SH3TC1: variants seen among roughly 807,000 people sequenced by gnomAD.
SH3TC1 encodes the protein SH3 domain and tetratricopeptide repeats 1, also known as SH3 domain and tetratricopeptide repeat-containing protein 1.
In SH3TC1, 135 loss-of-function variants were observed where a neutral mutation model predicts 117.3. That is an observed-to-expected ratio of 1.15 (90% CI 1.00 to 1.33). The LOEUF (loss-of-function observed/expected upper bound fraction) is 1.33, where lower values mean the gene tolerates loss of function less well. Ranked by LOEUF, SH3TC1 falls within the 40% of genes most tolerant of loss-of-function variation. SH3TC1 has a pLI of 0.00. For synonymous variants in SH3TC1, 898 were observed against 816.9 expected (o/e 1.10, Z -1.69); for missense variants, 2,092 against 1,794.3 (o/e 1.17, Z -3.00).
At chr4:8,198,035 AG>A (rs1360242196), upstream of SH3TC1, among the ~76,000 whole-genome samples, 4 of 152,012 alleles carry the variant, frequency 2.6e-5, no homozygotes, top group South Asian at 2.1e-4. Context: ...TGATTAGAGG[AG>A]GGGGCTACTG....
Position 8,220,134 on chromosome 4 carries a change from A to G in SH3TC1, c.1112+604A>G, listed in dbSNP as rs147332449. On this transcript the variant is annotated intron_variant, in intron 9 of 17. Coordinates refer to ENST00000245105, the MANE Select transcript of SH3TC1 (RefSeq NM_018986.5). Reference sequence around the variant, plus strand: ...TACATCTGCAAAGATCCTTTCTCCAAGAAAGCTTACCTTCTGAGGTTCCGG... The same window carrying G: ...TACATCTGCAAAGATCCTTTCTCCAGGAAAGCTTACCTTCTGAGGTTCCGG... Among the ~76,000 whole-genome samples the G allele has an allele frequency of 6.0e-3, 913 of 152,306 alleles. 8 individuals are homozygous for G. Among genetic ancestry groups the G allele is most frequent in the African/African-American group, 0.021 (858 of 41,560 alleles).
intron 6 of SH3TC1, among the ~76,000 whole-genome samples, chr4:8,216,580 G>A (rs1719298451): frequency 6.6e-6 from 1 of 152,208 alleles, no homozygotes; most frequent in Non-Finnish European, 1.5e-5. Flanking sequence ...TCTGAGGAGG[G>A]GACATGAGGC....
At position 8,190,860 on chromosome 4, in the gene SH3TC1, T is replaced by C. The variant is rs1468109521; in HGVS notation, c.-57+8650T>C. Among the ~76,000 whole-genome samples, 1 of 152,136 alleles carries C rather than the reference T, an allele frequency of 6.6e-6. No homozygotes were observed. The highest frequency in any genetic ancestry group is 2.4e-5 in the African/African-American group (1 of 41,428). ...TTTCACCATGTTGCCCAGGCTGGTCTTGAACTCCTGGACTCAAGCGATCCT... is the reference window on the plus strand; with the variant it reads ...TTTCACCATGTTGCCCAGGCTGGTCCTGAACTCCTGGACTCAAGCGATCCT... On this transcript the variant is annotated intron_variant, in intron 1 of 16. Transcript: ENST00000508641. The surrounding 1 kb of genome is among the most constrained non-coding windows in gnomAD (Gnocchi z 4.7).
At chr4:8,223,258 G>A (rs892236689) in intron 10 of SH3TC1, among the ~76,000 whole-genome samples, 1 of 152,256 alleles carries the variant, frequency 6.6e-6, no homozygotes, top group Admixed American at 6.5e-5. Flanking sequence ...GCTGGGCGAG[G>A]GAGAGGGTAT....
At position 8,227,507 on chromosome 4, in the gene SH3TC1, G is replaced by A. The variant is rs757114175; in HGVS notation, c.1813G>A (p.Ala605Thr). 9 of 1,550,954 alleles carry A rather than the reference G, an allele frequency of 5.8e-6. No homozygotes were observed. Among genetic ancestry groups the A allele is most frequent in the Middle Eastern group, 1.7e-4 (1 of 5,732 alleles). The change falls in exon 12 of 18, where the codon GCC becomes ACC. Residue 605 changes from alanine to threonine, a missense_variant. Ala to Thr is a moderately conservative substitution (Grantham distance 58, BLOSUM62 0). Transcript: ENST00000245105. ...GDLFLVVAVY[A>T]NLASIYRKQK... ...CCTGTTCCTAGTGGTGGCTGTGTAC[G>A]CCAACCTGGCCAGCATTTACCGGAA...
intron 3 of SH3TC1, 89 bp from the exon 4 acceptor site, chr4:8,212,612 G>T: frequency 6.4e-7 from 1 of 1,574,068 alleles, no homozygotes; most frequent in East Asian, 2.3e-5. Flanking sequence ...TCAGGTGTGT[G>T]GGTTGGAGGC....
At position 8,231,413 on chromosome 4, in the gene SH3TC1, G is replaced by C. The variant is rs144525199; in HGVS notation, c.2951-563G>C. On this transcript the variant is annotated intron_variant, in intron 12 of 17. Transcript: ENST00000245105. ...TGTCCACTCGGCGTACCTGGTTTCT[G>C]GTGTTCATCTCCGGAATGTTGCTGA... is the stretch of plus-strand genomic sequence containing the variant. 2.2e-4 allele frequency: 34 copies of C among 155,758 alleles called. No individual in the cohort carries two copies. The East Asian group carries it at 6.3e-3, about 29-fold the overall frequency. The allele number at this position is 155,758 out of a possible 1,614,324, so 9.6% of individuals were successfully genotyped here.
Position 8,233,474 on chromosome 4 carries a change from C to G in SH3TC1, c.3243C>G (p.Tyr1081Ter). The change falls in exon 14 of 18, where the codon TAC (tyrosine) becomes TAG (stop). Residue 1081 changes from tyrosine (Y) to a stop codon, truncating the protein, a stop_gained. Coordinates refer to ENST00000245105, the MANE Select transcript of SH3TC1 (RefSeq NM_018986.5). LOFTEE classifies it high-confidence loss of function. ...GGCTGCAAGCAGGGAAGATCTATTACATCTTGCGGCAGAGCGAGCTGGTGG... is the reference window on the plus strand; with the variant it reads ...GGCTGCAAGCAGGGAAGATCTATTAGATCTTGCGGCAGAGCGAGCTGGTGG... ...HAWLQAGKIY[Y>*]ILRQSELVDL... 1 of 1,613,616 alleles carries G rather than the reference C, an allele frequency of 6.2e-7. No homozygotes were observed. Among genetic ancestry groups the G allele is most frequent in the Non-Finnish European group, 8.5e-7 (1 of 1,179,814 alleles).
chr4:8,190,308 T>C lies in SH3TC1; in HGVS notation c.-57+8098T>C, dbSNP rs1487263479. On this transcript the variant is annotated intron_variant, in intron 1 of 16. Transcript: ENST00000508641. This position sits in a 1 kb window ranked among gnomAD's most constrained non-coding sequence, Gnocchi z 4.7. ...CTCCTTCGGCGGAGTTGGGGGACTG[T>C]GTGCTTGGGTTGGGTTAATGACTGT... Among the ~76,000 whole-genome samples, 1 of 152,186 alleles carries C rather than the reference T, an allele frequency of 6.6e-6. No homozygotes were observed. Among genetic ancestry groups the C allele is most frequent in the Non-Finnish European group, 1.5e-5 (1 of 68,038 alleles).
At chr4:8,182,165 G>C (rs568623014) in exon 1 of SH3TC1, 1 of 152,712 alleles carries the variant, frequency 6.5e-6, no homozygotes, top group South Asian at 2.1e-4. Flanking sequence ...CCTGCAGCAG[G>C]TGGTGGGCCC....
intron 1 of SH3TC1, among the ~76,000 whole-genome samples, chr4:8,203,984 C>T (rs1718004048): frequency 6.6e-6 from 1 of 152,214 alleles, no homozygotes; most frequent in South Asian, 2.1e-4. Flanking sequence ...GCCCCAGCCT[C>T]GTGGGCCCAT....
chr4:8,223,503 G>A (rs1015621949), intron 10 of SH3TC1, among the ~76,000 whole-genome samples: 5 of 152,230 alleles, frequency 3.3e-5, no homozygotes, highest in Non-Finnish European at 7.3e-5. Flanking sequence ...GTGTGCAAAA[G>A]CTTTCTCTGG....
chr4:8,215,246 A>T (rs1188664549), intron 5 of SH3TC1: 2 of 455,984 alleles, frequency 4.4e-6, no homozygotes, highest in African/African-American at 4.0e-5. Flanking sequence ...GACCCACGTG[A>T]GCTCTTCCTG....
chr4:8,233,485 A>G lies in SH3TC1; in HGVS notation c.3254A>G (p.Gln1085Arg). The change falls in exon 14 of 18, where the codon CAG becomes CGG. Residue 1085 changes from glutamine to arginine, a missense_variant. Transcript: ENST00000245105. ...GGGAAGATCTATTACATCTTGCGGC[A>G]GAGCGAGCTGGTGGACCTCTACATC... ...QAGKIYYILRQSELVDLYIQV... is the reference protein window; with the variant it reads ...QAGKIYYILRRSELVDLYIQV... 1.9e-6 allele frequency: 3 copies of G among 1,613,044 alleles called. No homozygotes were observed.
Position 8,227,901 on chromosome 4 carries a change from G to A in SH3TC1, c.2207G>A (p.Arg736Gln), listed in dbSNP as rs149010252. The change falls in exon 12 of 18, where the codon CGG (arginine) becomes CAG (glutamine). Residue 736 changes from arginine (R) to glutamine (Q), a missense_variant. Physicochemically the swap from Arg to Gln is conservative, Grantham distance 43. Coordinates refer to ENST00000245105, the MANE Select transcript of SH3TC1 (RefSeq NM_018986.5). ...VLSCVKVASLRTRGSLAGSLR... is the reference protein window; with the variant it reads ...VLSCVKVASLQTRGSLAGSLR... ...AGCTGTGTCAAGGTGGCCTCATTGCGGACACGGGGCTCGCTGGCCGGCTCG... is the reference window on the plus strand; with the variant it reads ...AGCTGTGTCAAGGTGGCCTCATTGCAGACACGGGGCTCGCTGGCCGGCTCG... 4.0e-5 allele frequency: 65 copies of A among 1,612,676 alleles called. No individual in the cohort carries two copies. The highest frequency in any genetic ancestry group is 6.6e-5 in the South Asian group (6 of 91,086).
At chr4:8,189,108 AGG>A (rs1294525690) in intron 1 of SH3TC1, among the ~76,000 whole-genome samples, 1 of 152,240 alleles carries the variant, frequency 6.6e-6, no homozygotes, top group Non-Finnish European at 1.5e-5. Context: ...TGTCTGGCAG[AGG>A]TGAACCCGGC....
intron 1 of SH3TC1, among the ~76,000 whole-genome samples, chr4:8,202,557 T>C (rs561857340): frequency 1.4e-4 from 21 of 152,230 alleles, no homozygotes; most frequent in South Asian, 4.1e-4. Flanking sequence ...CAGAGGTGGT[T>C]GGGGGGTGGG....
At chr4:8,215,090 T>C in intron 5 of SH3TC1, 1 of 449,758 alleles carries the variant, frequency 2.2e-6, no homozygotes, top group South Asian at 1.6e-5. Context: ...CGTAGACGGA[T>C]GTGGGTCTTT....
At chr4:8,231,845 C>A in intron 12 of SH3TC1, 131 bp from the exon 13 acceptor site, 2 of 1,036,768 alleles carry the variant, frequency 1.9e-6, no homozygotes, top group Non-Finnish European at 1.4e-6. Context: ...GTGTGCTCAG[C>A]GGTTCCCCGC....
Sources: allele counts gnomAD v4.1 joint callset (sites outside exome capture counted in the v4.1 genomes callset), GRCh38; gene constraint gnomAD v4.1.1; non-coding constraint Gnocchi (gnomAD v3.1); transcripts MANE v1.5; gene names NCBI Gene and HGNC (gene_info 2026-07-23, HGNC 2026-07-21).